Variants in CCDC93 observed in about 807,000 individuals in gnomAD.
CCDC93 encodes CCC complex scaffolding subunit CCDC93.
In CCDC93, 61 loss-of-function variants were observed where a neutral mutation model predicts 108.2. The observed-to-expected ratio is 0.56, with a 90% CI of 0.46 to 0.70. The LOEUF is 0.70. CCDC93 is among the 30% of genes least tolerant of loss of function. The pLI, the probability that CCDC93 is intolerant of heterozygous loss-of-function variation, is 0.00. For synonymous variants in CCDC93, 276 were observed against 260.4 expected (o/e 1.06, Z -0.58); for missense variants, 685 against 764.2 (o/e 0.90, Z 1.22).
rs1677650675 is a variant in CCDC93, at chr2:117,915,520, G to C, written c.*4823C>G. 1 of 152,156 alleles carries C rather than the reference G, an allele frequency of 6.6e-6. No individual in the cohort carries two copies. Among genetic ancestry groups the C allele is most frequent in the Admixed American group, 6.6e-5 (1 of 15,264 alleles). The allele number at this position is 152,156 out of a possible 1,614,324, so 9.4% of individuals were successfully genotyped here. On this transcript the variant is annotated 3_prime_UTR_variant, in exon 24 of 24. Coordinates refer to ENST00000376300, the MANE Select transcript of CCDC93 (RefSeq NM_019044.5). The stretch of plus-strand genomic sequence containing the variant: ...CTTTATCTTTAAGAAAGCAGATTTA[G>C]AGAATCAGAATTTTCTTCCATTTTG...
chr2:117,949,006 G>A (rs768362561), intron 14 of CCDC93, among the ~76,000 whole-genome samples: 1 of 152,224 alleles, frequency 6.6e-6, no homozygotes, highest in Non-Finnish European at 1.5e-5. Flanking sequence ...ACAGGAGTGG[G>A]AGGAAGATTT....
At chr2:117,952,230 T>C (rs1242781289) in intron 13 of CCDC93, 143 bp downstream of exon 13, 2 of 689,680 alleles carry the variant, frequency 2.9e-6, no homozygotes, top group Non-Finnish European at 5.3e-6. Context: ...AACTGTCCTA[T>C]GTCCTCAAAA....
chr2:117,925,586 T>C (rs1050818958), intron 23 of CCDC93, among the ~76,000 whole-genome samples: 2 of 152,152 alleles, frequency 1.3e-5, no homozygotes, highest in South Asian at 2.1e-4. Context: ...CCTGAATATA[T>C]ATGCACCCAA....
intron 11 of CCDC93, among the ~76,000 whole-genome samples, chr2:117,959,237 C>G (rs1292193796): frequency 6.6e-6 from 1 of 152,156 alleles, no homozygotes; most frequent in African/African-American, 2.4e-5. Flanking sequence ...AATACAAACA[C>G]CGCCTCAAGA....
chr2:118,004,391 G>C (rs1676804521), intron 3 of CCDC93, among the ~76,000 whole-genome samples: 1 of 152,220 alleles, frequency 6.6e-6, no homozygotes, highest in Non-Finnish European at 1.5e-5. Context: ...GGAACTCTCA[G>C]CAAAGAAAGA....
chr2:117,994,669 T>C (rs1680588793), intron 6 of CCDC93, among the ~76,000 whole-genome samples: 1 of 152,220 alleles, frequency 6.6e-6, no homozygotes, highest in African/African-American at 2.4e-5. Context: ...ATGTAACCCA[T>C]GCCATCTGTA....
chr2:117,936,625 A>G (rs1678533428), intron 21 of CCDC93, 77 bp downstream of exon 21: 2 of 1,113,240 alleles, frequency 1.8e-6, no homozygotes, highest in Admixed American at 1.7e-5. Context: ...CAAGCACATT[A>G]TAGCAATGTG....
intron 11 of CCDC93, among the ~76,000 whole-genome samples, chr2:117,961,911 G>A (rs780964462): frequency 2.0e-5 from 3 of 152,200 alleles, no homozygotes; most frequent in African/African-American, 7.2e-5. Flanking sequence ...ATTGCAGTGA[G>A]GGCTAAAGTG....
intron 11 of CCDC93, among the ~76,000 whole-genome samples, chr2:117,969,804 T>C (rs999994367): frequency 1.3e-5 from 2 of 152,218 alleles, no homozygotes; most frequent in African/African-American, 2.4e-5. Flanking sequence ...TTAACCTTGA[T>C]TCATTTTCCC....
rs1374200203 is a variant in CCDC93, at chr2:117,965,421, C to CT, written c.889-6941dup. On this transcript the variant is annotated intron_variant, in intron 11 of 23. Transcript: ENST00000376300. ...CCCCGGGCTGCTAAGCTTCCTGTTA[C>CT]TTTCTGGCCCAGGCAATGTCCCTGG... is the stretch of plus-strand genomic sequence containing the variant. Among the ~76,000 whole-genome samples, 3 of 152,160 alleles carry CT rather than the reference C, an allele frequency of 2.0e-5. No homozygotes were observed. In the East Asian group the frequency reaches 5.8e-4, roughly 29 times the overall value.
At chr2:117,987,640 C>A (rs1680359371) in intron 6 of CCDC93, among the ~76,000 whole-genome samples, 2 of 152,198 alleles carry the variant, frequency 1.3e-5, no homozygotes, top group African/African-American at 4.8e-5. Flanking sequence ...GTTGTACTAA[C>A]AGATCTTGAA....
rs762730727 is a variant in CCDC93, at chr2:117,949,481, A to G, written c.1069-86T>C. 8.5e-5 allele frequency: 82 copies of G among 961,350 alleles called. 1 individual carries two copies. In the Admixed American group the frequency reaches 1.2e-3, roughly 15 times the overall value. 59.6% of individuals were successfully genotyped at this position (961,350 alleles called of 1,614,324 possible). A position where few individuals can be genotyped will look rare whatever the true frequency, so the allele number is the denominator to read the frequency against. ...CCTTCTTTTTGTGAGGCAGATAATG[A>G]CACTTTTTAAAGAAGAAACTTAAAC... On this transcript the variant is annotated intron_variant, in intron 13 of 23. Coordinates refer to ENST00000376300, the MANE Select transcript of CCDC93 (RefSeq NM_019044.5).
At chr2:117,989,706 T>TATAA (rs1202359302) in intron 6 of CCDC93, among the ~76,000 whole-genome samples, 2 of 152,222 alleles carry the variant, frequency 1.3e-5, no homozygotes, top group African/African-American at 4.8e-5. Flanking sequence ...GCATATTAGG[T>TATAA]ATAAGCAGAG....
intron 3 of CCDC93, 87 bp from the exon 4 acceptor site, chr2:118,001,019 A>G: frequency 1.3e-6 from 1 of 776,006 alleles, no homozygotes; most frequent in Non-Finnish European, 2.3e-6. Flanking sequence ...TCACAGACGG[A>G]TCTGGGACTT....
At chr2:117,951,606 G>A (rs1334170810) in intron 13 of CCDC93, 5 of 999,994 alleles carry the variant, frequency 5.0e-6, no homozygotes, top group African/African-American at 1.7e-5. Context: ...GTACGAGGTA[G>A]GGACCTTGCA....
chr2:117,976,286 C>T (rs775368058), intron 8 of CCDC93, among the ~76,000 whole-genome samples: 9 of 152,120 alleles, frequency 5.9e-5, no homozygotes, highest in African/African-American at 2.4e-5. Context: ...TTTTTCCAAT[C>T]ATAACCAAAT....
rs374138817 is a variant in CCDC93, at chr2:117,986,019, C to T, written c.570G>A (p.Glu190=). ...RKYKRHQGAE[E]LLDEESRIHA... ...GGATTCGAGATTCTTCATCAAGTAG[C>T]TCCTCTGCTCCCTGGTGGCGTTTGT... Residue 190 remains glutamate, a synonymous_variant, in exon 7 of 24, where the codon GAG becomes GAA. Transcript: ENST00000376300. The T allele has an allele frequency of 7.4e-6, 12 of 1,613,790 alleles. No homozygotes were observed. The highest frequency in any genetic ancestry group is 9.3e-6 in the Non-Finnish European group (11 of 1,179,756).
chr2:117,946,962 T>A, intron 15 of CCDC93, 80 bp from the exon 16 acceptor site: 2 of 1,054,994 alleles, frequency 1.9e-6, no homozygotes, highest in Non-Finnish European at 1.5e-6. Flanking sequence ...GGTCCACAAG[T>A]CTTATTTTCA....
intron 2 of CCDC93, among the ~76,000 whole-genome samples, chr2:118,008,068 C>T (rs1374648654): frequency 1.3e-5 from 2 of 152,198 alleles, no homozygotes; most frequent in African/African-American, 2.4e-5. Context: ...GTCCTCAACA[C>T]CTATTACTAT....
Sources: gnomAD v4.1 joint callset for allele counts (sites outside exome capture counted in the v4.1 genomes callset) on GRCh38, gnomAD v4.1.1 for gene constraint, MANE v1.5 for transcripts, NCBI Gene and HGNC (gene_info 2026-07-23, HGNC 2026-07-21) for gene names.